Variants in SLIT3 observed in about 807,000 individuals in gnomAD.
SLIT3 encodes the protein slit homolog 3 protein.
A neutral mutation model predicts 184.0 loss-of-function variants in SLIT3; 68 were observed. The observed-to-expected ratio is 0.37, with a 90% CI of 0.30 to 0.45. SLIT3 has a LOEUF of 0.45. Ranked by LOEUF, SLIT3 falls within the 20% of genes least tolerant of loss-of-function variation. SLIT3 has a pLI of 1.00. For synonymous variants in SLIT3, 831 were observed against 828.6 expected, an observed-to-expected ratio of 1.00 and a Z score of -0.05; for missense variants, 1,707 against 2,026.0, an observed-to-expected ratio of 0.84 and a Z score of 3.02.
chr5:169,144,893 C>A (rs571494422), intron 4 of SLIT3, among the ~76,000 whole-genome samples: 15 of 152,148 alleles, frequency 9.9e-5, no homozygotes, highest in African/African-American at 3.6e-4. Flanking sequence ...CTGCCTGGGA[C>A]GATGCATGCT....
chr5:169,282,532 C>T (rs1433906444), intron 1 of SLIT3, among the ~76,000 whole-genome samples: 5 of 152,158 alleles, frequency 3.3e-5, no homozygotes, highest in South Asian at 2.1e-4. Flanking sequence ...TTGTTGAACT[C>T]GCCCTAGTTA....
chr5:169,003,374 A>G (rs953276227), intron 4 of SLIT3, among the ~76,000 whole-genome samples: 1 of 152,158 alleles, frequency 6.6e-6, no homozygotes, highest in Non-Finnish European at 1.5e-5. Flanking sequence ...TGTCTGCAGT[A>G]CCCTCTGTGG....
chr5:169,179,280 T>TTC (rs1554104712), intron 4 of SLIT3, among the ~76,000 whole-genome samples: 3 of 132,696 alleles, frequency 2.3e-5, no homozygotes, highest in Non-Finnish European at 4.5e-5. Flanking sequence ...CTTTTTCTTT[T>TTC]TTTTTTTTTT....
intron 4 of SLIT3, among the ~76,000 whole-genome samples, chr5:169,151,075 C>T (rs1007047049): frequency 2.6e-5 from 4 of 151,952 alleles, no homozygotes; most frequent in Admixed American, 1.3e-4. Context: ...GACTTGGGAC[C>T]CAGGTGGCAG....
chr5:168,680,870 G>A (rs1387961127), intron 32 of SLIT3, among the ~76,000 whole-genome samples: 4 of 152,226 alleles, frequency 2.6e-5, no homozygotes, highest in South Asian at 2.1e-4. Flanking sequence ...ATTTGCTCCT[G>A]GTGGGCACAG....
At chr5:169,290,368 C>T (rs547394304) in intron 1 of SLIT3, among the ~76,000 whole-genome samples, 25 of 147,332 alleles carry the variant, frequency 1.7e-4, no homozygotes, top group African/African-American at 6.3e-4. Context: ...CGCACTAGTA[C>T]ATGTGCTAGG....
intron 23 of SLIT3, among the ~76,000 whole-genome samples, chr5:168,714,807 G>GCAAGCC (rs1322093840): frequency 6.6e-6 from 1 of 152,068 alleles, no homozygotes; most frequent in East Asian, 1.9e-4. Flanking sequence ...GGCTGGGCTG[G>GCAAGCC]CAAGCAACTG....
intron 4 of SLIT3, among the ~76,000 whole-genome samples, chr5:168,888,566 C>T (rs899640867): frequency 6.6e-6 from 1 of 152,220 alleles, no homozygotes; most frequent in African/African-American, 2.4e-5. Flanking sequence ...ATATCTAGGA[C>T]CACAGATCAA....
chr5:168,858,205 G>T (rs998881394), intron 5 of SLIT3, among the ~76,000 whole-genome samples: 1 of 152,218 alleles, frequency 6.6e-6, no homozygotes, highest in Non-Finnish European at 1.5e-5. Context: ...AGGAAGAGGA[G>T]AAAGCCATCC....
intron 24 of SLIT3, among the ~76,000 whole-genome samples, chr5:168,711,352 T>C (rs1762554943): frequency 2.0e-5 from 3 of 150,782 alleles, no homozygotes; most frequent in Non-Finnish European, 4.4e-5. Context: ...TTTAGGGAGC[T>C]TCCTGGATCA....
At position 168,687,325 on chromosome 5, in the gene SLIT3, G is replaced by C. The variant is rs531221946; in HGVS notation, c.3177-209C>G. Among the ~76,000 whole-genome samples the C allele has an allele frequency of 8.5e-5, 13 of 152,344 alleles. No homozygotes were observed. The East Asian group carries it at 1.5e-3, about 18-fold the overall frequency. On this transcript the variant is annotated intron_variant, in intron 29 of 35. Transcript: ENST00000519560. ...ATGGTGGGGCGAGTCTTGTGTTCCA[G>C]AGCCAGGGTGAGGAACACAGGGTTG...
intron 4 of SLIT3, among the ~76,000 whole-genome samples, chr5:168,960,740 G>T (rs1481832410): frequency 6.6e-6 from 1 of 152,206 alleles, no homozygotes; most frequent in Non-Finnish European, 1.5e-5. Flanking sequence ...TCTAAGGCAG[G>T]GCCAGCAACA....
rs185512093 is a variant in SLIT3 at position 169,013,300 on chromosome 5, G to A, written c.414-129964C>T. Reference sequence around the variant, plus strand: ...CACCCGCTCTCACATCCCATCTGGGGCCTCTGCTTCCATCCTACCATTTCG... The same window carrying A: ...CACCCGCTCTCACATCCCATCTGGGACCTCTGCTTCCATCCTACCATTTCG... On this transcript the variant is annotated intron_variant, in intron 4 of 35. Transcript: ENST00000519560. 123 of 152,438 alleles carry A rather than the reference G, an allele frequency of 8.1e-4. 2 individuals carry two copies. Among genetic ancestry groups the A allele is most frequent in the Middle Eastern group, 3.4e-3 (1 of 296 alleles). The allele number at this position is 152,438 out of a possible 1,614,324, so 9.4% of individuals were successfully genotyped here.
intron 5 of SLIT3, among the ~76,000 whole-genome samples, chr5:168,857,545 A>T (rs1187590785): frequency 1.3e-5 from 2 of 152,152 alleles, no homozygotes; most frequent in African/African-American, 4.8e-5. Flanking sequence ...CATGAAATAG[A>T]TGATTTCTAT....
At chr5:169,196,547 A>G (rs1207374239) in intron 3 of SLIT3, among the ~76,000 whole-genome samples, 1 of 152,210 alleles carries the variant, frequency 6.6e-6, no homozygotes, top group Admixed American at 6.5e-5. Context: ...GCAGGATCAT[A>G]ACTGCAGCAG....
intron 23 of SLIT3, among the ~76,000 whole-genome samples, chr5:168,713,422 G>A (rs1286332614): frequency 2.6e-5 from 4 of 152,072 alleles, no homozygotes; most frequent in Admixed American, 6.6e-5. Context: ...AATCCACAAC[G>A]CATGGATTAT....
intron 3 of SLIT3, among the ~76,000 whole-genome samples, chr5:169,194,740 G>C (rs971573172): frequency 7.7e-4 from 117 of 152,266 alleles, no homozygotes; most frequent in African/African-American, 2.6e-3. Context: ...CTGCCCAGTA[G>C]GGATGGCTCA....
At chr5:169,097,009 T>C (rs1386788140) in intron 4 of SLIT3, among the ~76,000 whole-genome samples, 1 of 152,162 alleles carries the variant, frequency 6.6e-6, no homozygotes, top group African/African-American at 2.4e-5. Context: ...GTAACAACAA[T>C]GGTTTTTAGA....
At chr5:168,837,083 T>C (rs79498441) in intron 6 of SLIT3, among the ~76,000 whole-genome samples, 6,368 of 152,250 alleles carry the variant, frequency 0.042, 308 homozygotes, top group African/African-American at 0.1. Context: ...AGGAGGTGTG[T>C]GTTGAGTGGC....
Sources: gnomAD v4.1 joint callset for allele counts (sites outside exome capture counted in the v4.1 genomes callset) on GRCh38, gnomAD v4.1.1 for gene constraint, MANE v1.5 for transcripts, NCBI Gene and HGNC (gene_info 2026-07-23, HGNC 2026-07-21) for gene names.